Variants in IQGAP1 observed in about 807,000 individuals in gnomAD.
The protein encoded by IQGAP1 is ras GTPase-activating-like protein IQGAP1.
Under a neutral mutation model 215.6 loss-of-function variants are expected in IQGAP1, and 66 were observed. The observed-to-expected ratio is 0.31, with a 90% confidence interval of 0.25 to 0.38. The LOEUF is 0.38. Among genes scored for constraint, IQGAP1 ranks in the 10% least tolerant of loss-of-function variants. IQGAP1 has a pLI of 1.00. For missense variants in IQGAP1, 1,712 were observed against 1,997.1 expected (o/e 0.86, Z 2.72); for synonymous variants, 772 against 728.7 (o/e 1.06, Z -0.96).
Position 90,403,208 on chromosome 15 carries a change from C to T in IQGAP1, c.155+12335C>T, listed in dbSNP as rs577415527. Among the ~76,000 whole-genome samples the T allele has an allele frequency of 5.3e-5, 8 of 152,226 alleles. No individual in the cohort carries two copies. In the South Asian group the frequency reaches 1.0e-3, roughly 20 times the overall value. Reference sequence around the variant, plus strand: ...GAAGGATCACTTGAGCCCAAGAGTTCGAGGCTGCAGTGAGCTACGATCACA... The same window carrying T: ...GAAGGATCACTTGAGCCCAAGAGTTTGAGGCTGCAGTGAGCTACGATCACA... On this transcript the variant is annotated intron_variant, in intron 2 of 37. Coordinates refer to ENST00000268182, the MANE Select transcript of IQGAP1 (RefSeq NM_003870.4).
chr15:90,450,395 A>G (rs572690592), intron 11 of IQGAP1, among the ~76,000 whole-genome samples: 6 of 75,326 alleles, frequency 8.0e-5, no homozygotes, highest in Admixed American at 1.9e-4. Flanking sequence ...GCTTAGGTTG[A>G]TTTCATATCT....
intron 4 of IQGAP1, among the ~76,000 whole-genome samples, chr15:90,433,316 A>G (rs1348732962): frequency 6.6e-6 from 1 of 152,150 alleles, no homozygotes; most frequent in Non-Finnish European, 1.5e-5. Context: ...CCATCTAGGC[A>G]TGGTAGATAG....
chr15:90,425,490 ATTCTTT>A (rs1965209177), intron 2 of IQGAP1, among the ~76,000 whole-genome samples: 1 of 152,004 alleles, frequency 6.6e-6, no homozygotes, highest in African/African-American at 2.4e-5. Flanking sequence ...TCTTTGTTTT[ATTCTTT>A]TTCTTTTTGG....
chr15:90,401,958 T>C (rs1964811019), intron 2 of IQGAP1, among the ~76,000 whole-genome samples: 1 of 152,214 alleles, frequency 6.6e-6, no homozygotes, highest in Non-Finnish European at 1.5e-5. Context: ...CAAGGTCATA[T>C]ATTGGAATTC....
rs572569817 is a variant in IQGAP1, at chr15:90,418,214, C to CT, written c.156-7885dup. On this transcript the variant is annotated intron_variant, in intron 2 of 37. Coordinates refer to ENST00000268182, the MANE Select transcript of IQGAP1 (RefSeq NM_003870.4). Reference sequence around the variant, plus strand: ...AATACGTGGGTGTCAGAATAGACACCTTTTTTTTTTTGAGGAATTGACTTA... The same window carrying CT: ...AATACGTGGGTGTCAGAATAGACACCTTTTTTTTTTTTGAGGAATTGACTTA... Among the ~76,000 whole-genome samples the CT allele has an allele frequency of 1.7e-3, 241 of 143,612 alleles. 1 individual carries two copies. Among genetic ancestry groups the CT allele is most frequent in the South Asian group, 5.5e-3 (25 of 4,530 alleles). The allele number at this position is 143,612 out of a possible 152,430, so 94.2% of individuals were successfully genotyped here.
rs1966001901 is a variant in IQGAP1 at position 90,477,805 on chromosome 15, A to T, written c.3245A>T (p.Asp1082Val). Residue 1082 changes from aspartate (D) to valine (V), a missense_variant, in exon 26 of 38, where the codon GAC becomes GTC. Asp to Val is a radical substitution (Grantham distance 152). Coordinates refer to ENST00000268182, the MANE Select transcript of IQGAP1 (RefSeq NM_003870.4). Reference protein sequence around the residue: ...LAPVVKEIMDDKSLNIKTDPV... With the variant: ...LAPVVKEIMDVKSLNIKTDPV... ...CCAGTCGTGAAGGAAATTATGGATG[A>T]CAAATCTCTCAACATCAAAACTGAC... The T allele has an allele frequency of 6.2e-7, 1 of 1,613,980 alleles. No homozygotes were observed. Among genetic ancestry groups the T allele is most frequent in the Non-Finnish European group, 8.5e-7 (1 of 1,179,998 alleles).
At position 90,477,789 on chromosome 15, in the gene IQGAP1, A is replaced by C. The variant is rs537604432; in HGVS notation, c.3229A>C (p.Lys1077Gln). ...ALRQILAPVV[K>Q]EIMDDKSLNI... ...GAGACAGATCTTGGCCCCAGTCGTG[A>C]AGGAAATTATGGATGACAAATCTCT... is the stretch of plus-strand genomic sequence containing the variant. Residue 1077 changes from lysine (K) to glutamine (Q), a missense_variant, in exon 26 of 38, where the codon AAG becomes CAG. Lys to Gln is a moderately conservative substitution (Grantham distance 53, BLOSUM62 1). This residue lies in a region of IQGAP1 where 691 missense variants were observed against 923.0 expected (regional missense o/e 0.75). Transcript: ENST00000268182. 6.2e-7 allele frequency: 1 copy of C among 1,614,002 alleles called. No individual in the cohort carries two copies. The highest frequency in any genetic ancestry group is 2.2e-5 in the East Asian group (1 of 44,882).
Position 90,388,324 on chromosome 15 carries a change from G to C in IQGAP1, c.-18G>C. On this transcript the variant is annotated 5_prime_UTR_variant, in exon 1 of 38. Transcript: ENST00000268182. ...AAGGTTTCACGGCTTCCTCAGCAGA[G>C]ACTCGGGCTCGTCCGCCATGTCCGC... The C allele has an allele frequency of 1.3e-6, 2 of 1,596,372 alleles. No homozygotes were observed. The highest frequency in any genetic ancestry group is 1.7e-6 in the Non-Finnish European group (2 of 1,173,100).
intron 15 of IQGAP1, among the ~76,000 whole-genome samples, chr15:90,457,280 A>C (rs908460329): frequency 2.0e-5 from 3 of 152,080 alleles, no homozygotes; most frequent in Non-Finnish European, 4.4e-5. Context: ...GTTGCCCTAA[A>C]TAATGTTAAT....
chr15:90,393,225 G>GACAAA (rs994849445), intron 2 of IQGAP1, among the ~76,000 whole-genome samples: 1 of 151,940 alleles, frequency 6.6e-6, no homozygotes, highest in African/African-American at 2.4e-5. Context: ...TTGGTTCCAG[G>GACAAA]ACACCTGCAG....
chr15:90,447,884 T>A (rs920096124), intron 9 of IQGAP1, among the ~76,000 whole-genome samples: 1 of 152,112 alleles, frequency 6.6e-6, no homozygotes, highest in African/African-American at 2.4e-5. Context: ...TGACCTCAGG[T>A]TCTATGATTA....
intron 5 of IQGAP1, among the ~76,000 whole-genome samples, chr15:90,436,616 A>G (rs930676913): frequency 2.6e-5 from 4 of 152,224 alleles, no homozygotes; most frequent in Non-Finnish European, 5.9e-5. Flanking sequence ...AGAAAAATAA[A>G]TCTAAGTGCA....
chr15:90,474,511 G>A lies in IQGAP1; in HGVS notation c.2602G>A (p.Val868Met). 1.9e-6 allele frequency: 3 copies of A among 1,614,104 alleles called. No individual in the cohort carries two copies. Among genetic ancestry groups the A allele is most frequent in the Non-Finnish European group, 2.5e-6 (3 of 1,179,952 alleles). The change falls in exon 23 of 38, where the codon GTG becomes ATG. Residue 868 changes from valine to methionine, a missense_variant. Val to Met is a conservative substitution (Grantham distance 21, BLOSUM62 1). Coordinates refer to ENST00000268182, the MANE Select transcript of IQGAP1 (RefSeq NM_003870.4). ...LINAEDPPMVVVRKFVHLLDQ... is the reference protein window; with the variant it reads ...LINAEDPPMVMVRKFVHLLDQ... ...CAATGCTGAGGATCCTCCTATGGTT[G>A]TGGTCCGAAAATTTGTCCACCTGCT...
At chr15:90,391,840 T>TATAG (rs1451207306) in intron 2 of IQGAP1, 2 of 152,226 alleles carry the variant, frequency 1.3e-5, no homozygotes, top group African/African-American at 2.4e-5. Context: ...ATGTATTCTA[T>TATAG]AAGTGAGCTT....
chr15:90,452,469 A>G (rs563400751), intron 11 of IQGAP1, among the ~76,000 whole-genome samples: 1 of 152,320 alleles, frequency 6.6e-6, no homozygotes, highest in African/African-American at 2.4e-5. Context: ...AGGAGAAGGA[A>G]GAGGTGGTTT....
chr15:90,477,977 G>C, intron 26 of IQGAP1, 88 bp downstream of exon 26: 1 of 833,352 alleles, frequency 1.2e-6, no homozygotes, highest in Non-Finnish European at 1.9e-6. Flanking sequence ...ACTAATATTA[G>C]TTCAAATAGT....
chr15:90,409,759 C>G (rs1187669204), intron 2 of IQGAP1, among the ~76,000 whole-genome samples: 1 of 152,188 alleles, frequency 6.6e-6, no homozygotes, highest in Non-Finnish European at 1.5e-5. Context: ...TTGCTTAGTT[C>G]CACCAACAGT....
chr15:90,474,727 G>T, intron 23 of IQGAP1, 34 bp downstream of exon 23: 1 of 1,501,402 alleles, frequency 6.7e-7, no homozygotes, highest in Non-Finnish European at 9.3e-7. Context: ...CCTTGGAACG[G>T]TTCATCCTGC....
intron 33 of IQGAP1, among the ~76,000 whole-genome samples, chr15:90,490,737 T>C (rs1966191560): frequency 6.6e-6 from 1 of 152,184 alleles, no homozygotes; most frequent in African/African-American, 2.4e-5. Context: ...TAGAGTCCAG[T>C]CTCGGTGATT....
Sources: allele counts gnomAD v4.1 joint callset (sites outside exome capture counted in the v4.1 genomes callset), GRCh38; gene constraint gnomAD v4.1.1; regional missense constraint gnomAD v4.1.1; transcripts MANE v1.5; gene names NCBI Gene and HGNC (gene_info 2026-07-23, HGNC 2026-07-21).